Variants in TRIO observed in about 807,000 individuals in gnomAD.
TRIO encodes triple functional domain protein.
TRIO carries 58 observed loss-of-function variants against 351.9 expected under a neutral mutation model. The observed-to-expected ratio is 0.16, with a 90% CI of 0.13 to 0.21. The LOEUF is 0.21. Among genes scored for constraint, TRIO ranks in the 10% least tolerant of loss-of-function variants. TRIO has a pLI of 1.00. For synonymous variants in TRIO, 1,758 were observed against 1,595.7 expected (o/e 1.10, Z -2.42); for missense variants, 3,201 against 4,027.8 (o/e 0.79, Z 5.56).
chr5:14,506,871 G>A (rs1200025001), intron 55 of TRIO, among the ~76,000 whole-genome samples: 1 of 152,174 alleles, frequency 6.6e-6, no homozygotes, highest in Non-Finnish European at 1.5e-5. Flanking sequence ...GGCGGGTTTG[G>A]ACCCTTGACT....
intron 1 of TRIO, among the ~76,000 whole-genome samples, chr5:14,244,487 C>T (rs1794320940): frequency 6.6e-6 from 1 of 152,042 alleles, no homozygotes; most frequent in African/African-American, 2.4e-5. Context: ...ACCTTATGGC[C>T]AGTTTTTCCA....
At position 14,462,622 on chromosome 5, in the gene TRIO, G is replaced by A. The variant is rs932298696; in HGVS notation, c.5497-133G>A. On this transcript the variant is annotated intron_variant, in intron 35 of 56. Transcript: ENST00000344204. ...CAGGAAGAGAGGAAAAGTTACCATC[G>A]AGGTCGAGAATAGCTTTGTTCCTGA... The A allele has an allele frequency of 5.6e-6, 7 of 1,254,368 alleles. No homozygotes were observed. In the African/African-American group the frequency reaches 7.6e-5, roughly 14 times the overall value. 77.7% of individuals were successfully genotyped at this position (1,254,368 alleles called of 1,614,324 possible). A position where few individuals can be genotyped will look rare whatever the true frequency, so the allele number is the denominator to read the frequency against.
chr5:14,285,885 A>G lies in TRIO; in HGVS notation c.348-986A>G, dbSNP rs185535855. Among the ~76,000 whole-genome samples, 263 of 152,272 alleles carry G rather than the reference A, an allele frequency of 1.7e-3. 1 individual carries two copies. In the Middle Eastern group the frequency reaches 0.027, roughly 16 times the overall value. On this transcript the variant is annotated intron_variant, in intron 3 of 56. Transcript: ENST00000344204. ...CACAGACTGTCAGAGACCCCTGTGT[A>G]ACAGTGAGGGTTGCAGTTGTTCCTT...
chr5:14,420,045 G>A (rs751116205), intron 34 of TRIO, 24 bp downstream of exon 34: 1 of 1,603,258 alleles, frequency 6.2e-7, no homozygotes, highest in Non-Finnish European at 8.5e-7. Context: ...GGGCATGGGT[G>A]GCAGACCCCT....
intron 21 of TRIO, among the ~76,000 whole-genome samples, chr5:14,386,155 G>A (rs1746520645): frequency 6.6e-6 from 1 of 152,224 alleles, no homozygotes; most frequent in African/African-American, 2.4e-5. Flanking sequence ...GGGGTCCAGG[G>A]AGGGCCCGCT....
At chr5:14,427,429 C>G (rs1480249048) in intron 34 of TRIO, among the ~76,000 whole-genome samples, 3 of 152,200 alleles carry the variant, frequency 2.0e-5, no homozygotes, top group Non-Finnish European at 4.4e-5. Flanking sequence ...CAGGAACCCC[C>G]AGCCCAAGCC....
At chr5:14,230,882 G>T (rs1382641479) in intron 1 of TRIO, among the ~76,000 whole-genome samples, 6 of 152,064 alleles carry the variant, frequency 3.9e-5, no homozygotes, top group African/African-American at 1.4e-4. Context: ...ATTGTTTTTT[G>T]AGCTGGAAAG....
At chr5:14,298,978 T>C (rs1489120084) in intron 7 of TRIO, among the ~76,000 whole-genome samples, 1 of 152,182 alleles carries the variant, frequency 6.6e-6, no homozygotes, top group Non-Finnish European at 1.5e-5. Context: ...GTGATATGAA[T>C]GAATTTGAAG....
chr5:14,341,124 A>C (rs1326832276), intron 11 of TRIO, among the ~76,000 whole-genome samples: 1 of 152,184 alleles, frequency 6.6e-6, no homozygotes, highest in African/African-American at 2.4e-5. Context: ...ACACGTTGTC[A>C]TCCACTCTTA....
intron 11 of TRIO, among the ~76,000 whole-genome samples, chr5:14,351,678 G>A (rs1188719227): frequency 1.3e-4 from 20 of 152,204 alleles, no homozygotes; most frequent in Non-Finnish European, 2.2e-4. Flanking sequence ...AAGATAGAGT[G>A]CTCCAAGAAT....
chr5:14,301,030 C>A (rs1274951870), intron 7 of TRIO, among the ~76,000 whole-genome samples: 1 of 152,016 alleles, frequency 6.6e-6, no homozygotes, highest in Non-Finnish European at 1.5e-5. Context: ...TTCAAGGATC[C>A]CAGCTCTGGT....
intron 10 of TRIO, among the ~76,000 whole-genome samples, chr5:14,331,987 G>A (rs1420653365): frequency 1.3e-5 from 2 of 152,176 alleles, no homozygotes; most frequent in Admixed American, 1.3e-4. Context: ...TCATGTTAAT[G>A]TTCCTGTTTT....
intron 53 of TRIO, among the ~76,000 whole-genome samples, chr5:14,500,888 CAAAAAAAA>C (rs34729667): frequency 6.3e-5 from 4 of 63,548 alleles, no homozygotes; most frequent in East Asian, 1.0e-3. Context: ...GACTCTGCCT[CAAAAAAAA>C]AAAAAAAAAA....
At chr5:14,414,081 G>A (rs1389709542) in intron 33 of TRIO, among the ~76,000 whole-genome samples, 3 of 152,230 alleles carry the variant, frequency 2.0e-5, no homozygotes, top group African/African-American at 7.2e-5. Flanking sequence ...TGGGTTAAAT[G>A]GTCCTAAGAA....
In TRIO at chr5:14,190,784, G is replaced by T. The variant is rs139146028; in HGVS notation, c.157+46902G>T. Among the ~76,000 whole-genome samples, 52 of 152,170 alleles carry T rather than the reference G, an allele frequency of 3.4e-4. No homozygotes were observed. The East Asian group carries it at 8.9e-3, about 26-fold the overall frequency. On this transcript the variant is annotated intron_variant, in intron 1 of 56. Transcript: ENST00000344204. ...ATTAAAAAAAAATCCACCTCAAAAA[G>T]AAGTGAATGGCTGTTATGATCACCT...
At chr5:14,425,165 T>C (rs1045681430) in intron 34 of TRIO, among the ~76,000 whole-genome samples, 1 of 152,188 alleles carries the variant, frequency 6.6e-6, no homozygotes, top group African/African-American at 2.4e-5. Context: ...ACCATTCACA[T>C]CTAGAATTCT....
chr5:14,268,912 C>T (rs1795840105), intron 1 of TRIO, among the ~76,000 whole-genome samples: 1 of 152,202 alleles, frequency 6.6e-6, no homozygotes, highest in Admixed American at 6.5e-5. Flanking sequence ...CGGTGACTGG[C>T]AGTGAATTGC....
Position 14,468,913 on chromosome 5 carries a change from CT to C in TRIO, c.5764-2404del, listed in dbSNP as rs1161229583. Among the ~76,000 whole-genome samples, 5 of 152,182 alleles carry C rather than the reference CT, an allele frequency of 3.3e-5. No individual in the cohort carries two copies. The East Asian group carries it at 9.6e-4, about 29-fold the overall frequency. On this transcript the variant is annotated intron_variant, in intron 37 of 56. Coordinates refer to ENST00000344204, the MANE Select transcript of TRIO (RefSeq NM_007118.4). ...CGAAAAATGAAAGCCCCCCTGAAAACTGTTCCCTGGATTCATTCGTCTGGCT... is the reference window on the plus strand; with the variant it reads ...CGAAAAATGAAAGCCCCCCTGAAAACGTTCCCTGGATTCATTCGTCTGGCT...
intron 1 of TRIO, among the ~76,000 whole-genome samples, chr5:14,155,454 G>C (rs559418602): frequency 6.6e-6 from 1 of 152,212 alleles, no homozygotes; most frequent in Non-Finnish European, 1.5e-5. Flanking sequence ...AATTGTCTCA[G>C]GATTGTCCTT....
Sources: allele counts gnomAD v4.1 joint callset (sites outside exome capture counted in the v4.1 genomes callset), GRCh38; gene constraint gnomAD v4.1.1; transcripts MANE v1.5; gene names NCBI Gene and HGNC (gene_info 2026-07-23, HGNC 2026-07-21).